Variants in IPO11 observed in about 807,000 individuals in gnomAD.
IPO11 encodes the protein importin-11.
In IPO11, 66 loss-of-function variants were observed where a neutral mutation model predicts 143.2. The observed-to-expected ratio is 0.46, with a 90% confidence interval of 0.38 to 0.57. IPO11 has a LOEUF of 0.57. IPO11 is among the 20% of genes least tolerant of loss of function. The pLI is 0.00. For synonymous variants in IPO11, 385 were observed against 377.8 expected (o/e 1.02, Z -0.22); for missense variants, 1,026 against 1,141.0 (o/e 0.90, Z 1.45).
chr5:62,459,901 G>A (rs1745296656), intron 5 of IPO11, among the ~76,000 whole-genome samples: 1 of 152,120 alleles, frequency 6.6e-6, no homozygotes, highest in Non-Finnish European at 1.5e-5. Context: ...AACCTTTTTA[G>A]TTATTGTTAA....
At chr5:62,444,823 C>T (rs534138417) in intron 3 of IPO11, among the ~76,000 whole-genome samples, 3 of 151,836 alleles carry the variant, frequency 2.0e-5, no homozygotes, top group East Asian at 3.9e-4. Context: ...GAGCCAAGAA[C>T]GTGCCACTGC....
intron 29 of IPO11, among the ~76,000 whole-genome samples, chr5:62,614,700 C>A (rs969860547): frequency 6.7e-6 from 1 of 149,020 alleles, no homozygotes; most frequent in Non-Finnish European, 1.5e-5. Context: ...CTCCGAAAAC[C>A]CAAGTGTGCG....
intron 20 of IPO11, among the ~76,000 whole-genome samples, chr5:62,520,646 A>T (rs142513081): frequency 1.3e-4 from 20 of 152,126 alleles, no homozygotes; most frequent in African/African-American, 4.3e-4. Context: ...TCCTTGCGAT[A>T]GTTTGTTCAG....
chr5:62,566,906 A>G (rs533923342), intron 27 of IPO11, among the ~76,000 whole-genome samples: 5 of 152,048 alleles, frequency 3.3e-5, no homozygotes, highest in South Asian at 2.1e-4. Context: ...TTGTCCAGGC[A>G]GGCCTTGATC....
At chr5:62,597,673 A>G (rs1308391493) in intron 28 of IPO11, among the ~76,000 whole-genome samples, 2 of 152,216 alleles carry the variant, frequency 1.3e-5, no homozygotes, top group Non-Finnish European at 2.9e-5. Context: ...CTGAACTTAA[A>G]ATGTGTGAGG....
At chr5:62,590,732 T>C (rs1484128885) in intron 27 of IPO11, among the ~76,000 whole-genome samples, 3 of 152,188 alleles carry the variant, frequency 2.0e-5, no homozygotes, top group African/African-American at 7.2e-5. Context: ...TCTGCACTTT[T>C]ATAGATTTAC....
intron 20 of IPO11, among the ~76,000 whole-genome samples, chr5:62,522,292 T>TTTTTTTTTTTGG (rs1400521525): frequency 6.7e-6 from 1 of 149,122 alleles, no homozygotes; most frequent in African/African-American, 2.5e-5. Context: ...TGGTGGGTTT[T>TTTTTTTTTTTGG]TTTTTTTTTT....
intron 29 of IPO11, among the ~76,000 whole-genome samples, chr5:62,624,640 G>A (rs1473186266): frequency 6.6e-6 from 1 of 151,980 alleles, no homozygotes; most frequent in Non-Finnish European, 1.5e-5. Context: ...CTAACGTCCT[G>A]GGAATGCAGC....
In IPO11 at chr5:62,563,006, A is replaced by G. The variant is rs543050711; in HGVS notation, c.2582+1749A>G. On this transcript the variant is annotated intron_variant, in intron 27 of 29. Transcript: ENST00000325324. ...AGAGATCTAGCATTTGACATGGCAT[A>G]AGCCAATTTGAACCTGGGCTGCTTA... 2.6e-5 allele frequency among the ~76,000 whole-genome samples: 4 copies of G among 152,356 alleles called. No homozygotes were observed. In the East Asian group the frequency reaches 7.7e-4, roughly 29 times the overall value.
rs115859260 is a variant in IPO11, at chr5:62,528,219, A to T, written c.2012+1962A>T. 9.8e-3 allele frequency among the ~76,000 whole-genome samples: 1,491 copies of T among 152,306 alleles called. 8 individuals carry two copies. Among genetic ancestry groups the T allele is most frequent in the Middle Eastern group, 0.027 (8 of 294 alleles). On this transcript the variant is annotated intron_variant, in intron 21 of 29. Coordinates refer to ENST00000325324, the MANE Select transcript of IPO11 (RefSeq NM_016338.5). ...AGGAAAACCAAGCCAAGAGAGGAGA[A>T]TGTTTCCTAAAAGAGGAGAAAGTGG...
chr5:62,430,272 T>C (rs247244), intron 1 of IPO11, among the ~76,000 whole-genome samples: 64,393 of 152,038 alleles, frequency 0.42, 13,892 homozygotes, highest in East Asian at 0.6. Context: ...CCAAAGTCGC[T>C]GTTTTACATT....
At position 62,417,321 on chromosome 5, in the gene IPO11, ATTTTTTTTTTTT is replaced by A. The variant is rs34767317; in HGVS notation, c.-7+4407_-7+4418del. On this transcript the variant is annotated intron_variant, in intron 1 of 29. Coordinates refer to ENST00000325324, the MANE Select transcript of IPO11 (RefSeq NM_016338.5). Reference sequence around the variant, plus strand: ...ATTTTCTTCACCTCCTTATTGGTTAATTTTTTTTTTTTTTTTTTTTTTTTTTGGTATTTTGAA... The same window carrying A: ...ATTTTCTTCACCTCCTTATTGGTTAATTTTTTTTTTTTTTGGTATTTTGAA... Among the ~76,000 whole-genome samples the A allele has an allele frequency of 2.9e-4, 19 of 65,354 alleles. 1 individual carries two copies. Among genetic ancestry groups the A allele is most frequent in the African/African-American group, 1.1e-3 (17 of 15,730 alleles). The allele number at this position is 65,354 out of a possible 152,430, so 42.9% of individuals were successfully genotyped here.
chr5:62,527,326 C>T (rs1271319205), intron 21 of IPO11, among the ~76,000 whole-genome samples: 1 of 152,172 alleles, frequency 6.6e-6, no homozygotes, highest in Non-Finnish European at 1.5e-5. Context: ...TTCTAAGTCA[C>T]ACAGTCTTTG....
intron 1 of IPO11, among the ~76,000 whole-genome samples, chr5:62,435,212 G>A (rs13177104): frequency 0.16 from 12,676 of 78,992 alleles, 1,449 homozygotes; most frequent in African/African-American, 0.22. Flanking sequence ...ATATATATGT[G>A]TATATATATA....
At chr5:62,582,178 T>C (rs779289838) in intron 27 of IPO11, among the ~76,000 whole-genome samples, 1 of 152,196 alleles carries the variant, frequency 6.6e-6, no homozygotes, top group Non-Finnish European at 1.5e-5. Flanking sequence ...GAAATTTCCC[T>C]CTTTCTGGAA....
chr5:62,434,115 T>C (rs1229166736), intron 1 of IPO11, among the ~76,000 whole-genome samples: 2 of 152,192 alleles, frequency 1.3e-5, no homozygotes, highest in East Asian at 3.9e-4. Context: ...GTGTCAGTCA[T>C]GTTGGCCTTC....
chr5:62,592,516 A>G (rs1236595478), intron 28 of IPO11, among the ~76,000 whole-genome samples: 4 of 152,216 alleles, frequency 2.6e-5, no homozygotes, highest in African/African-American at 4.8e-5. Flanking sequence ...ACAAGAAAGC[A>G]TTCAATGTAG....
intron 14 of IPO11, 135 bp from the exon 15 acceptor site, chr5:62,489,980 T>A (rs1746542070): frequency 2.3e-6 from 1 of 429,862 alleles, no homozygotes; most frequent in South Asian, 7.8e-5. Flanking sequence ...TTTCTTCTAC[T>A]TAAATTATTT....
chr5:62,554,939 C>A (rs1743520740), intron 26 of IPO11, among the ~76,000 whole-genome samples: 1 of 152,190 alleles, frequency 6.6e-6, no homozygotes, highest in South Asian at 2.1e-4. Context: ...GGTCTCAAAC[C>A]CCTGACCTCA....
Sources: allele counts gnomAD v4.1 joint callset (sites outside exome capture counted in the v4.1 genomes callset), GRCh38; gene constraint gnomAD v4.1.1; transcripts MANE v1.5; gene names NCBI Gene and HGNC (gene_info 2026-07-23, HGNC 2026-07-21).